The following USH2A variants were observed in gnomAD, a reference collection of about 807,000 sequenced individuals.
The protein encoded by USH2A is Usher syndrome 2A (autosomal recessive, mild).
Under a neutral mutation model 538.9 loss-of-function variants are expected in USH2A, and 443 were observed. That is an observed-to-expected ratio of 0.82 (90% CI 0.76 to 0.89). The LOEUF (loss-of-function observed/expected upper bound fraction) is 0.89. USH2A is among the 40% of genes least tolerant of loss of function. The pLI is 0.00. For synonymous variants in USH2A, 2,413 were observed against 2,273.5 expected, an observed-to-expected ratio of 1.06 and a Z score of -1.75; for missense variants, 6,633 against 6,324.8, an observed-to-expected ratio of 1.05 and a Z score of -1.65.
chr1:216,041,041 AATGTGGTAGT>A (rs765995231), intron 32 of USH2A, among the ~76,000 whole-genome samples: 3 of 152,074 alleles, frequency 2.0e-5, no homozygotes, highest in Non-Finnish European at 4.4e-5. Context: ...AGTAATACAT[AATGTGGTAGT>A]TTATATTCAA....
intron 9 of USH2A, among the ~76,000 whole-genome samples, chr1:216,303,940 T>C (rs2037264840): frequency 6.6e-6 from 1 of 152,018 alleles, no homozygotes; most frequent in Admixed American, 6.6e-5. Context: ...ATCATGAATT[T>C]AGTAATGGTT....
chr1:216,119,198 T>C (rs2033074763), intron 21 of USH2A, among the ~76,000 whole-genome samples: 1 of 152,232 alleles, frequency 6.6e-6, no homozygotes, highest in Non-Finnish European at 1.5e-5. Flanking sequence ...AGTTCAGTAA[T>C]CACTAAGTAG....
Position 216,196,640 on chromosome 1 carries a change from A to T in USH2A, c.4164T>A (p.Asn1388Lys), listed in dbSNP as rs1392218317. The part of the protein sequence containing the change: ...LNISWEKPAD[N>K]VTRGKVVGYD... ...ACCCCACAACTTTTCCTCTTGTAACATTATCTGCTGGCTTCTCCCAGGAGA... is the reference window on the plus strand; with the variant it reads ...ACCCCACAACTTTTCCTCTTGTAACTTTATCTGCTGGCTTCTCCCAGGAGA... The change falls in exon 19 of 72, where the codon AAT becomes AAA. Residue 1388 changes from asparagine to lysine, a missense_variant. Physicochemically the swap from Asn to Lys is moderately conservative, Grantham distance 94. Transcript: ENST00000307340. The T allele has an allele frequency of 1.2e-6, 2 of 1,613,598 alleles. No individual in the cohort carries two copies. The highest frequency in any genetic ancestry group is 1.1e-5 in the South Asian group (1 of 91,082).
rs2037686869 is a variant in USH2A, at chr1:216,324,366, G to C, written c.1144-14C>G. ...AATATAAAACACCTGAAAATGGAAAGTTAATTAATGTAATTAAAGTTTTAA... is the reference window on the plus strand; with the variant it reads ...AATATAAAACACCTGAAAATGGAAACTTAATTAATGTAATTAAAGTTTTAA... On this transcript the variant is annotated splice_polypyrimidine_tract_variant and intron_variant, in intron 6 of 71. Coordinates refer to ENST00000307340, the MANE Select transcript of USH2A (RefSeq NM_206933.4). The C allele has an allele frequency of 3.8e-6, 6 of 1,596,484 alleles. No homozygotes were observed. The East Asian group carries it at 1.4e-4, about 36-fold the overall frequency.
intron 32 of USH2A, among the ~76,000 whole-genome samples, chr1:216,005,157 C>A (rs1177701275): frequency 6.6e-6 from 1 of 152,104 alleles, no homozygotes; most frequent in Non-Finnish European, 1.5e-5. Context: ...TCTAACACAA[C>A]AAGTTCACAC....
chr1:216,420,490 T>C (rs1358083569), intron 2 of USH2A, among the ~76,000 whole-genome samples: 1 of 152,120 alleles, frequency 6.6e-6, no homozygotes, highest in East Asian at 1.9e-4. Flanking sequence ...TTCCCAAAGG[T>C]ATTTTAATTT....
chr1:216,128,009 A>G (rs928460322), intron 21 of USH2A, among the ~76,000 whole-genome samples: 3 of 152,138 alleles, frequency 2.0e-5, no homozygotes, highest in Admixed American at 6.5e-5. Flanking sequence ...TAGAAATGAG[A>G]TGGGATGTTT....
chr1:215,757,147 A>G (rs773594882), intron 58 of USH2A, among the ~76,000 whole-genome samples: 1 of 152,284 alleles, frequency 6.6e-6, no homozygotes, highest in South Asian at 2.1e-4. Flanking sequence ...TTATTCCTTT[A>G]TATTTTGTTT....
At chr1:215,635,074 G>A (rs576282500) in intron 69 of USH2A, among the ~76,000 whole-genome samples, 38 of 152,300 alleles carry the variant, frequency 2.5e-4, no homozygotes, top group African/African-American at 8.2e-4. Context: ...CAAAGTCCTT[G>A]CTTGGATTCT....
chr1:215,643,704 A>ATT (rs1558035101), intron 67 of USH2A, among the ~76,000 whole-genome samples: 8 of 151,866 alleles, frequency 5.3e-5, no homozygotes, highest in African/African-American at 1.9e-4. Flanking sequence ...TAAAAAAAAA[A>ATT]TTTTTGTAGA....
chr1:215,630,480 G>GTATA (rs1443855975), intron 70 of USH2A, among the ~76,000 whole-genome samples: 161 of 105,844 alleles, frequency 1.5e-3, no homozygotes, highest in Non-Finnish European at 2.0e-3. Flanking sequence ...GTATGTGTGT[G>GTATA]TGTATATATA....
intron 11 of USH2A, among the ~76,000 whole-genome samples, chr1:216,263,485 G>T (rs963096616): frequency 6.6e-6 from 1 of 152,006 alleles, no homozygotes; most frequent in Non-Finnish European, 1.5e-5. Flanking sequence ...GAATAAATGG[G>T]ATAAATAAAA....
At chr1:215,951,153 CA>C (rs1666903140) in intron 37 of USH2A, among the ~76,000 whole-genome samples, 1 of 152,086 alleles carries the variant, frequency 6.6e-6, no homozygotes, top group Admixed American at 6.6e-5. Context: ...GTTAGGGTGT[CA>C]ATTTTAGATC....
At chr1:216,066,927 G>A (rs768709282) in intron 30 of USH2A, among the ~76,000 whole-genome samples, 9 of 152,156 alleles carry the variant, frequency 5.9e-5, no homozygotes, top group Non-Finnish European at 8.8e-5. Context: ...ACTATACAAT[G>A]TCTTAAAAGC....
intron 32 of USH2A, among the ~76,000 whole-genome samples, chr1:216,001,798 G>A (rs940618638): frequency 3.9e-5 from 6 of 152,024 alleles, no homozygotes; most frequent in African/African-American, 1.2e-4. Context: ...TTCATGCAAA[G>A]TACAATCAAT....
chr1:215,821,975 G>T (rs1663029123), intron 47 of USH2A, among the ~76,000 whole-genome samples: 1 of 151,686 alleles, frequency 6.6e-6, no homozygotes, highest in Non-Finnish European at 1.5e-5. Flanking sequence ...TATTCCATTG[G>T]TTTATGTGTT....
At chr1:215,910,292 T>C (rs1464569414) in intron 38 of USH2A, among the ~76,000 whole-genome samples, 3 of 151,974 alleles carry the variant, frequency 2.0e-5, no homozygotes, top group Non-Finnish European at 2.9e-5. Context: ...TTAATGTCTT[T>C]ATTGTAATGT....
intron 16 of USH2A, chr1:216,204,365 T>A (rs370766710): frequency 9.8e-5 from 15 of 152,300 alleles, no homozygotes; most frequent in African/African-American, 3.4e-4. Flanking sequence ...CGTAAAGATA[T>A]ACCTTGTTTT....
rs138129030 is a variant in USH2A at position 215,695,741 on chromosome 1, T to TTTTG, written c.12067-15369_12067-15366dup. Among the ~76,000 whole-genome samples, 1,109 of 150,958 alleles carry TTTTG rather than the reference T, an allele frequency of 7.3e-3. 11 individuals carry two copies. Among genetic ancestry groups the TTTTG allele is most frequent in the African/African-American group, 0.025 (1,044 of 41,170 alleles). On this transcript the variant is annotated intron_variant, in intron 61 of 71. Transcript: ENST00000307340. The stretch of plus-strand genomic sequence containing the variant: ...GTCTACATATCACATAACTTTCTGT[T>TTTTG]TTTGTTTGTTTGTTTGTTTGTTTGT...
Sources: gnomAD v4.1 joint callset for allele counts (sites outside exome capture counted in the v4.1 genomes callset) on GRCh38, gnomAD v4.1.1 for gene constraint, MANE v1.5 for transcripts, NCBI Gene and HGNC (gene_info 2026-07-23, HGNC 2026-07-21) for gene names.